The following DYSF variants were observed in gnomAD, a reference collection of about 807,000 sequenced individuals.
The protein encoded by DYSF is dysferlin, also known as dystrophy-associated fer-1-like 1.
In DYSF, 212 loss-of-function variants were observed where a neutral mutation model predicts 274.9. That is an observed-to-expected ratio of 0.77 (90% confidence interval 0.69 to 0.86). The LOEUF is 0.86. Among genes scored for constraint, DYSF ranks in the 40% least tolerant of loss-of-function variants. The pLI, the probability that DYSF is intolerant of heterozygous loss-of-function variation, is 0.00. For synonymous variants in DYSF, 1,091 were observed against 1,078.7 expected (o/e 1.01, Z -0.22); for missense variants, 2,666 against 2,783.2 (o/e 0.96, Z 0.95).
chr2:71,513,632 T>C lies in DYSF; in HGVS notation c.554-84T>C, dbSNP rs2086334917. On this transcript the variant is annotated intron_variant, in intron 6 of 55. Coordinates refer to ENST00000410020, the MANE Select transcript of DYSF (RefSeq NM_001130987.2). Reference sequence around the variant, plus strand: ...CTTAGGGCCCATGCCTTTTGGATCTTCTGCCCCCTGGGCTGGGTCCCAGGG... The same window carrying C: ...CTTAGGGCCCATGCCTTTTGGATCTCCTGCCCCCTGGGCTGGGTCCCAGGG... 3 of 1,428,228 alleles carry C rather than the reference T, an allele frequency of 2.1e-6. No individual in the cohort carries two copies. In the East Asian group the frequency reaches 7.0e-5, roughly 33 times the overall value. The allele number at this position is 1,428,228 out of a possible 1,614,324, so 88.5% of individuals were successfully genotyped here.
chr2:71,515,229 C>T (rs1391033209), intron 7 of DYSF, among the ~76,000 whole-genome samples: 1 of 152,096 alleles, frequency 6.6e-6, no homozygotes, highest in Non-Finnish European at 1.5e-5. Context: ...GGGGTCACTT[C>T]ACTGTGTAAG....
At chr2:71,590,380 G>C (rs1005747204) in intron 32 of DYSF, 92 bp downstream of exon 32, 3 of 1,413,730 alleles carry the variant, frequency 2.1e-6, no homozygotes, top group South Asian at 1.2e-5. Flanking sequence ...GGTGCTGTTT[G>C]CTGGGTGCAT....
intron 21 of DYSF, among the ~76,000 whole-genome samples, chr2:71,555,417 G>A (rs571065694): frequency 2.0e-5 from 3 of 152,300 alleles, no homozygotes; most frequent in African/African-American, 7.2e-5. Flanking sequence ...CATGGAGAGG[G>A]CTGGAGAAGA....
At chr2:71,677,504 T>C (rs1035704691) in intron 52 of DYSF, among the ~76,000 whole-genome samples, 8 of 152,096 alleles carry the variant, frequency 5.3e-5, no homozygotes, top group Non-Finnish European at 8.8e-5. Context: ...TTTCATATGG[T>C]TCAACCTAAT....
chr2:71,656,016 CTCCTTTTCT>C, intron 42 of DYSF, 137 bp from the exon 43 acceptor site: 2 of 1,136,950 alleles, frequency 1.8e-6, no homozygotes, highest in Non-Finnish European at 2.6e-6. Flanking sequence ...GTCACTTTCC[CTCCTTTTCT>C]TCTTCTCTCT....
intron 9 of DYSF, among the ~76,000 whole-genome samples, chr2:71,516,745 A>G (rs1272744291): frequency 1.3e-5 from 2 of 152,146 alleles, no homozygotes; most frequent in Non-Finnish European, 2.9e-5. Flanking sequence ...AGCTCTGTCT[A>G]TGCCGTGTAG....
Position 71,479,163 on chromosome 2 carries a change from C to T in DYSF, c.92-1720C>T, listed in dbSNP as rs192949367. 4.6e-5 allele frequency among the ~76,000 whole-genome samples: 7 copies of T among 151,854 alleles called. 1 individual carries two copies. The South Asian group carries it at 6.3e-4, about 14-fold the overall frequency. ...GTGGAATGAGGTGATCTTTAAGAGC[C>T]GACCCAAATAAAAGTTCTGTGTCAG... On this transcript the variant is annotated intron_variant, in intron 1 of 55. Coordinates refer to ENST00000410020, the MANE Select transcript of DYSF (RefSeq NM_001130987.2).
intron 13 of DYSF, among the ~76,000 whole-genome samples, chr2:71,527,477 T>C (rs980142275): frequency 6.6e-6 from 1 of 152,220 alleles, no homozygotes; most frequent in Non-Finnish European, 1.5e-5. Context: ...TCTGCACTTA[T>C]TGATTGCAAC....
At chr2:71,498,813 T>C (rs1312706759) in intron 3 of DYSF, among the ~76,000 whole-genome samples, 1 of 152,224 alleles carries the variant, frequency 6.6e-6, no homozygotes, top group Non-Finnish European at 1.5e-5. Context: ...GTCAGATCTC[T>C]TTCACTGTCA....
intron 30 of DYSF, among the ~76,000 whole-genome samples, chr2:71,582,634 G>T (rs960731177): frequency 6.6e-6 from 1 of 152,104 alleles, no homozygotes; most frequent in Non-Finnish European, 1.5e-5. Context: ...AACTGTGCTG[G>T]TCAATGTTTA....
At position 71,669,837 on chromosome 2, in the gene DYSF, A is replaced by G. The variant is rs2095087606; in HGVS notation, c.5784+91A>G. ...ACCACGTCCCTGCCTGGCAACTGTCACAATCTCACTGCTGCCCCACCATGT... is the reference window on the plus strand; with the variant it reads ...ACCACGTCCCTGCCTGGCAACTGTCGCAATCTCACTGCTGCCCCACCATGT... On this transcript the variant is annotated intron_variant, in intron 51 of 55. Coordinates refer to ENST00000410020, the MANE Select transcript of DYSF (RefSeq NM_001130987.2). 2.6e-5 allele frequency: 40 copies of G among 1,554,998 alleles called. 1 individual carries two copies. The South Asian group carries it at 4.2e-4, about 16-fold the overall frequency.
intron 43 of DYSF, among the ~76,000 whole-genome samples, chr2:71,658,070 A>G (rs1016376161): frequency 2.6e-5 from 4 of 152,234 alleles, no homozygotes; most frequent in African/African-American, 9.6e-5. Context: ...GAATGCTTTT[A>G]ACAGCACCCA....
At chr2:71,543,387 G>A (rs1573872431) in intron 17 of DYSF, among the ~76,000 whole-genome samples, 4 of 151,160 alleles carry the variant, frequency 2.6e-5, no homozygotes, top group Admixed American at 1.3e-4. Context: ...CTGGGCAGCC[G>A]GGCAGAGGGG....
chr2:71,509,790 G>C (rs2085887654), intron 4 of DYSF, among the ~76,000 whole-genome samples: 1 of 151,880 alleles, frequency 6.6e-6, no homozygotes, highest in Non-Finnish European at 1.5e-5. Flanking sequence ...TTTATTTTAT[G>C]TTTTTGAGGC....
chr2:71,551,752 C>T (rs1388459806), intron 19 of DYSF, 32 bp downstream of exon 19: 23 of 1,556,902 alleles, frequency 1.5e-5, no homozygotes, highest in Non-Finnish European at 1.3e-5. Flanking sequence ...GGGAGCTGGG[C>T]GTCGGGGCAG....
At chr2:71,650,551 C>T (rs1036758193) in intron 42 of DYSF, among the ~76,000 whole-genome samples, 7 of 152,082 alleles carry the variant, frequency 4.6e-5, no homozygotes, top group Non-Finnish European at 1.0e-4. Context: ...TGATTAGTAA[C>T]CTGATTTAAC....
In DYSF at chr2:71,613,321, C is replaced by T; in HGVS notation, c.4388-13C>T. The T allele has an allele frequency of 1.2e-6, 2 of 1,609,792 alleles. No homozygotes were observed. The highest frequency in any genetic ancestry group is 1.7e-6 in the Non-Finnish European group (2 of 1,178,196). ...GAGCCCCTCTCAGGCCTGGATGGCT[C>T]CCTCCCCTGCAGACGATGTGAGCCT... On this transcript the variant is annotated splice_polypyrimidine_tract_variant and intron_variant, in intron 39 of 55. Coordinates refer to ENST00000410020, the MANE Select transcript of DYSF (RefSeq NM_001130987.2).
rs1458276124 is a variant in DYSF, at chr2:71,669,006, C to G, written c.5547-106C>G. 5.6e-5 allele frequency: 72 copies of G among 1,277,318 alleles called. No individual in the cohort carries two copies. In the East Asian group the frequency reaches 1.8e-3, roughly 32 times the overall value. The allele number at this position is 1,277,318 out of a possible 1,614,324, so 79.1% of individuals were successfully genotyped here. Reference sequence around the variant, plus strand: ...CTGGGCCAGTGTCCAGCCAGGCAGGCATCGAGTCCTCTTGGACCAGTCTGC... The same window carrying G: ...CTGGGCCAGTGTCCAGCCAGGCAGGGATCGAGTCCTCTTGGACCAGTCTGC... On this transcript the variant is annotated intron_variant, in intron 49 of 55. Transcript: ENST00000410020.
In DYSF at chr2:71,680,988, T is replaced by C. The variant is rs759589296; in HGVS notation, c.6064-13T>C. On this transcript the variant is annotated splice_polypyrimidine_tract_variant and intron_variant, in intron 53 of 55. Coordinates refer to ENST00000410020, the MANE Select transcript of DYSF (RefSeq NM_001130987.2). Reference sequence around the variant, plus strand: ...CCTTCGTGCCCCTAACCAAGTGCTCTCTGTCCCCTCAGGGCAAGCTGGAAA... The same window carrying C: ...CCTTCGTGCCCCTAACCAAGTGCTCCCTGTCCCCTCAGGGCAAGCTGGAAA... 1 of 1,613,734 alleles carries C rather than the reference T, an allele frequency of 6.2e-7. No homozygotes were observed. Among genetic ancestry groups the C allele is most frequent in the South Asian group, 1.1e-5 (1 of 91,040 alleles).
Sources: allele counts gnomAD v4.1 joint callset (sites outside exome capture counted in the v4.1 genomes callset), GRCh38; gene constraint gnomAD v4.1.1; transcripts MANE v1.5; gene names NCBI Gene and HGNC (gene_info 2026-07-23, HGNC 2026-07-21).